The following MYLIP variants were observed in gnomAD, a reference collection of about 807,000 sequenced individuals.
The protein encoded by MYLIP is myosin regulatory light chain interacting protein.
Under a neutral mutation model 45.8 loss-of-function variants are expected in MYLIP, and 26 were observed. That is an observed-to-expected ratio of 0.57 (90% CI 0.42 to 0.79). The LOEUF is 0.79. MYLIP is among the 30% of genes least tolerant of loss of function. The pLI is 0.00. For synonymous variants in MYLIP, 213 were observed against 218.1 expected, an observed-to-expected ratio of 0.98 and a Z score of 0.21; for missense variants, 494 against 555.6, an observed-to-expected ratio of 0.89 and a Z score of 1.11.
intron 2 of MYLIP, among the ~76,000 whole-genome samples, chr6:16,136,313 T>C (rs1448828884): frequency 6.7e-6 from 1 of 148,308 alleles, no homozygotes; most frequent in Non-Finnish European, 1.5e-5. Context: ...CTGTGCGGCC[T>C]TATCTATATG....
chr6:16,143,575 A>AACG lies in MYLIP; in HGVS notation c.663-122_663-121insGAC, dbSNP rs1477372034. ...TAAGGCAGCATTATGGTGATGTGAT[A>AACG]ACCCCAGAGGAAGCGTCTGATTTTT... is the stretch of plus-strand genomic sequence containing the variant. On this transcript the variant is annotated intron_variant, in intron 4 of 6. Coordinates refer to ENST00000356840, the MANE Select transcript of MYLIP (RefSeq NM_013262.4). The AACG allele has an allele frequency of 1.3e-5, 13 of 968,844 alleles. No individual in the cohort carries two copies. In the Admixed American group the frequency reaches 3.4e-4, roughly 26 times the overall value. 60.0% of individuals were successfully genotyped at this position (968,844 alleles called of 1,614,324 possible).
downstream of MYLIP, among the ~76,000 whole-genome samples, chr6:16,151,190 A>G (rs540744533): frequency 1.3e-5 from 2 of 151,846 alleles, no homozygotes; most frequent in South Asian, 4.2e-4. Context: ...TCTGCTAAAA[A>G]AAAAAAAATA....
At chr6:16,134,220 A>T (rs1759509308) in intron 2 of MYLIP, among the ~76,000 whole-genome samples, 1 of 152,226 alleles carries the variant, frequency 6.6e-6, no homozygotes, top group Non-Finnish European at 1.5e-5. Flanking sequence ...CCAGAGTCTA[A>T]TAAGTGTCTG....
intron 4 of MYLIP, 64 bp from the exon 5 acceptor site, chr6:16,143,635 G>A: frequency 6.4e-7 from 1 of 1,562,872 alleles, no homozygotes; most frequent in Non-Finnish European, 8.7e-7. Flanking sequence ...ATCCCACAAA[G>A]GCACACACAT....
In MYLIP at chr6:16,129,644, G is replaced by A. The variant is rs1454482673; in HGVS notation, c.87+235G>A. Among the ~76,000 whole-genome samples, 1 of 152,174 alleles carries A rather than the reference G, an allele frequency of 6.6e-6. No individual in the cohort carries two copies. The highest frequency in any genetic ancestry group is 2.4e-5 in the African/African-American group (1 of 41,466). On this transcript the variant is annotated intron_variant, in intron 1 of 6. Transcript: ENST00000356840. The surrounding 1 kb of genome is among the most constrained non-coding windows in gnomAD (Gnocchi z 5.1). ...GGGTCCCCAGCGCTGAGGGCCGGGC[G>A]CAGCCCGCAGCCGGGATCCACCCCC...
At position 16,143,763 on chromosome 6, in the gene MYLIP, A is replaced by G; in HGVS notation, c.727A>G (p.Lys243Glu). ...AAAGAATGTATATTTGACGGTCACC[A>G]AGGAATCTGGGAACAGCATCGTGCT... ...SGKNVYLTVT[K>E]ESGNSIVLLF... Residue 243 changes from lysine (K) to glutamate (E), a missense_variant, in exon 5 of 7, where the codon AAG (lysine) becomes GAG (glutamate). Lys to Glu is a moderately conservative substitution (Grantham distance 56). Coordinates refer to ENST00000356840, the MANE Select transcript of MYLIP (RefSeq NM_013262.4). The G allele has an allele frequency of 6.2e-7, 1 of 1,614,082 alleles. No individual in the cohort carries two copies. The highest frequency in any genetic ancestry group is 8.5e-7 in the Non-Finnish European group (1 of 1,180,000).
intron 1 of MYLIP, among the ~76,000 whole-genome samples, chr6:16,130,005 G>T (rs1759425097): frequency 6.6e-6 from 1 of 152,244 alleles, no homozygotes; most frequent in African/African-American, 2.4e-5. Flanking sequence ...CAGTGAGGGA[G>T]ATCGGTGCCA....
At chr6:16,156,151 G>A in the MYLIP span, among the ~76,000 whole-genome samples, 1 of 152,168 alleles carries the variant, frequency 6.6e-6, no homozygotes, top group African/African-American at 2.4e-5. Context: ...TCTGACAGCT[G>A]AGCCTGGGGT....
At chr6:16,161,782 T>C in the MYLIP span, among the ~76,000 whole-genome samples, 1 of 152,364 alleles carries the variant, frequency 6.6e-6, no homozygotes, top group East Asian at 1.9e-4. Flanking sequence ...GTACAATTTA[T>C]ACCACATTTG....
At chr6:16,155,658 C>G in the MYLIP span, among the ~76,000 whole-genome samples, 495 of 152,264 alleles carry the variant, frequency 3.3e-3, 5 homozygotes, top group African/African-American at 0.011. Context: ...TCCACTCACT[C>G]GAACCCATTG....
intron 3 of MYLIP, 117 bp from the exon 4 acceptor site, chr6:16,142,903 G>A (rs1009365300): frequency 1.0e-5 from 11 of 1,063,616 alleles, no homozygotes; most frequent in African/African-American, 8.0e-5. Flanking sequence ...TAATACATAA[G>A]TTTTAAGTTG....
rs770000086 is a variant in MYLIP, at chr6:16,145,115, C to T, written c.1046C>T (p.Ser349Leu). The T allele has an allele frequency of 7.4e-6, 12 of 1,614,092 alleles. No individual in the cohort carries two copies. The African/African-American group carries it at 1.1e-4, about 14-fold the overall frequency. The change falls in exon 6 of 7, where the codon TCG becomes TTG. Residue 349 changes from serine to leucine, a missense_variant. Transcript: ENST00000356840. Reference sequence around the variant, plus strand: ...AGAAACAACCAGAGCCCTTCACACTCGCCTCTGAAGTCCTCAGAAAGCAGC... The same window carrying T: ...AGAAACAACCAGAGCCCTTCACACTTGCCTCTGAAGTCCTCAGAAAGCAGC... ...VSRNNQSPSH[S>L]PLKSSESSMN...
downstream of MYLIP, among the ~76,000 whole-genome samples, chr6:16,148,912 G>A (rs921054539): frequency 1.3e-5 from 2 of 152,158 alleles, no homozygotes; most frequent in Non-Finnish European, 2.9e-5. Flanking sequence ...GTAGCAATTG[G>A]AAGAAGTAAA....
At position 16,141,880 on chromosome 6, in the gene MYLIP, G is replaced by A. The variant is rs1581606508; in HGVS notation, c.464+70G>A. The stretch of plus-strand genomic sequence containing the variant: ...AAACAGGATGAAACTAAGGTTGGAA[G>A]GTAAACTAATCACACATAATATGCA... On this transcript the variant is annotated intron_variant, in intron 3 of 6. Coordinates refer to ENST00000356840, the MANE Select transcript of MYLIP (RefSeq NM_013262.4). The A allele has an allele frequency of 1.2e-5, 17 of 1,395,608 alleles. No homozygotes were observed. In the East Asian group the frequency reaches 4.1e-4, roughly 34 times the overall value. The allele number at this position is 1,395,608 out of a possible 1,614,324, so 86.5% of individuals were successfully genotyped here. A position where few individuals can be genotyped will look rare whatever the true frequency, so the allele number is the denominator to read the frequency against.
chr6:16,159,941 C>A, the MYLIP span, among the ~76,000 whole-genome samples: 1 of 152,150 alleles, frequency 6.6e-6, no homozygotes, highest in African/African-American at 2.4e-5. Flanking sequence ...ACACAGCAGG[C>A]CACAGCTCCA....
chr6:16,145,515 A>G (rs1759772368), intron 6 of MYLIP, among the ~76,000 whole-genome samples, 198 bp downstream of exon 6: 1 of 152,180 alleles, frequency 6.6e-6, no homozygotes, highest in African/African-American at 2.4e-5. Context: ...TTTCAACAAC[A>G]TAATTACTCC....
At chr6:16,151,199 T>C (rs1347980455), downstream of MYLIP, among the ~76,000 whole-genome samples, 7 of 145,760 alleles carry the variant, frequency 4.8e-5, no homozygotes. Context: ...AAAAAAAAAA[T>C]ACAAAAAATC....
the MYLIP span, among the ~76,000 whole-genome samples, chr6:16,158,849 G>A: frequency 2.0e-5 from 3 of 152,108 alleles, no homozygotes; most frequent in South Asian, 2.1e-4. Context: ...CAGCCTGGGC[G>A]GCAGAGCAAG....
chr6:16,156,650 G>C, the MYLIP span, among the ~76,000 whole-genome samples: 2 of 152,228 alleles, frequency 1.3e-5, no homozygotes, highest in Admixed American at 1.3e-4. Flanking sequence ...CTATCTGGCA[G>C]AGCCTCAGTT....
Sources: gnomAD v4.1 joint callset for allele counts (sites outside exome capture counted in the v4.1 genomes callset) on GRCh38, gnomAD v4.1.1 for gene constraint, Gnocchi (gnomAD v3.1) non-coding constraint, MANE v1.5 for transcripts, NCBI Gene and HGNC (gene_info 2026-07-23, HGNC 2026-07-21) for gene names.